IAH1: variants seen among roughly 807,000 people sequenced by gnomAD.
IAH1 encodes isoamyl acetate hydrolyzing esterase 1 (putative).
IAH1 carries 24 observed loss-of-function variants against 26.7 expected under a neutral mutation model. That is an observed-to-expected ratio of 0.90 (90% CI 0.65 to 1.26). The LOEUF (loss-of-function observed/expected upper bound fraction) is 1.26, where lower values mean the gene tolerates loss of function less well. IAH1 is among the 50% of genes most tolerant of loss of function. IAH1 has a pLI of 0.00. For synonymous variants in IAH1, 140 were observed against 118.5 expected, an observed-to-expected ratio of 1.18 and a Z score of -1.18; for missense variants, 300 against 299.9, an observed-to-expected ratio of 1.00 and a Z score of 0.00.
downstream of IAH1, among the ~76,000 whole-genome samples, chr2:9,490,672 T>TA (rs1391694104): frequency 6.6e-6 from 1 of 152,132 alleles, no homozygotes; most frequent in Non-Finnish European, 1.5e-5. Flanking sequence ...CCTAAGTGAC[T>TA]AAAAAATACT....
At chr2:9,488,066 G>GC in intron 5 of IAH1, 81 bp from the exon 6 acceptor site, 3 of 943,650 alleles carry the variant, frequency 3.2e-6, no homozygotes, top group Non-Finnish European at 4.7e-6. Context: ...GTAATCCTCG[G>GC]CCCCAAAGTG....
chr2:9,494,705 C>G, downstream of IAH1: 2 of 1,614,066 alleles, frequency 1.2e-6, no homozygotes, highest in Non-Finnish European at 1.7e-6. Flanking sequence ...TGTTCAGCAT[C>G]GACATAGGGC....
chr2:9,508,060 G>A, the IAH1 span, among the ~76,000 whole-genome samples: 2 of 152,172 alleles, frequency 1.3e-5, no homozygotes, highest in African/African-American at 4.8e-5. Context: ...CTGGCAGCAG[G>A]AAGAGTCAGC....
chr2:9,479,622 G>A lies in IAH1; in HGVS notation c.283+1252G>A, dbSNP rs375870213. On this transcript the variant is annotated intron_variant, in intron 3 of 5. Transcript: ENST00000497473. The stretch of plus-strand genomic sequence containing the variant: ...ATATGAAGCAGTAATACTTACAGCT[G>A]ACACGCATGAAATAAGATTGGAACT... Among the ~76,000 whole-genome samples, 3 of 152,170 alleles carry A rather than the reference G, an allele frequency of 2.0e-5. No homozygotes were observed. In the South Asian group the frequency reaches 6.2e-4, roughly 32 times the overall value.
chr2:9,512,193 G>A, the IAH1 span: 1 of 152,042 alleles, frequency 6.6e-6, no homozygotes, highest in East Asian at 1.9e-4. Context: ...TCCCAAAGGT[G>A]TAATGAAGAG....
chr2:9,507,131 G>A, the IAH1 span: 8 of 152,098 alleles, frequency 5.3e-5, no homozygotes, highest in Non-Finnish European at 1.0e-4. Context: ...CTAGGTCAAG[G>A]AACTACTTTA....
chr2:9,490,300 A>C (rs1241627826), downstream of IAH1: 5 of 1,614,114 alleles, frequency 3.1e-6, no homozygotes, highest in Admixed American at 1.7e-5. Flanking sequence ...CTGTGCTGCT[A>C]TTTGGGAAGG....
At chr2:9,499,623 CGATCTCCT>C (rs1662881634), downstream of IAH1, among the ~76,000 whole-genome samples, 1 of 152,034 alleles carries the variant, frequency 6.6e-6, no homozygotes, top group Non-Finnish European at 1.5e-5. Context: ...AGGATGGTCT[CGATCTCCT>C]GATCTCGTGA....
At chr2:9,489,747 A>C (rs1248071398), downstream of IAH1, 1 of 141,218 alleles carries the variant, frequency 7.1e-6, no homozygotes, top group Non-Finnish European at 1.5e-5. Flanking sequence ...AAAAAAAAAA[A>C]AACTATTCCA....
the IAH1 span, among the ~76,000 whole-genome samples, chr2:9,510,683 T>A: frequency 2.0e-4 from 28 of 139,282 alleles, no homozygotes; most frequent in African/African-American, 5.4e-4. Flanking sequence ...AAAAAAAAAA[T>A]TAGCCAGGCA....
chr2:9,511,426 G>C, the IAH1 span, among the ~76,000 whole-genome samples: 1 of 151,912 alleles, frequency 6.6e-6, no homozygotes, highest in Non-Finnish European at 1.5e-5. Flanking sequence ...CTCCAGCCTA[G>C]GCAACAAGAG....
intron 4 of IAH1, among the ~76,000 whole-genome samples, chr2:9,482,450 T>C (rs547310917): frequency 5.9e-5 from 9 of 152,246 alleles, no homozygotes; most frequent in African/African-American, 1.9e-4. Context: ...TTAGGTAGAT[T>C]TCTGGACCCA....
At chr2:9,478,179 A>G in intron 2 of IAH1, 43 bp from the exon 3 acceptor site, 1 of 1,560,060 alleles carries the variant, frequency 6.4e-7, no homozygotes, top group Non-Finnish European at 8.7e-7. Flanking sequence ...GACCATAAAC[A>G]CTTCTTGCCC....
chr2:9,499,279 G>A (rs534430380), downstream of IAH1, among the ~76,000 whole-genome samples: 4 of 151,972 alleles, frequency 2.6e-5, no homozygotes, highest in Admixed American at 6.5e-5. Flanking sequence ...TTTTACTTAC[G>A]TTTATTTAAA....
rs773148139 is a variant in IAH1 at position 9,484,490 on chromosome 2, A to G, written c.504A>G (p.Gln168=). Residue 168 remains glutamine, a synonymous_variant, in exon 5 of 6, where the codon CAA becomes CAG. Coordinates refer to ENST00000497473, the MANE Select transcript of IAH1 (RefSeq NM_001039613.3). ...VVGEYANACL[Q]VAQDCGTDVL... ...GTGAATATGCCAATGCGTGTTTACAAGTGGCCCAAGACTGTGGGACTGACG... is the reference window on the plus strand; with the variant it reads ...GTGAATATGCCAATGCGTGTTTACAGGTGGCCCAAGACTGTGGGACTGACG... The G allele has an allele frequency of 1.1e-5, 18 of 1,614,212 alleles. No individual in the cohort carries two copies. The South Asian group carries it at 1.9e-4, about 17-fold the overall frequency.
the IAH1 span, among the ~76,000 whole-genome samples, chr2:9,510,926 TAAG>T: frequency 6.6e-6 from 1 of 152,194 alleles, no homozygotes; most frequent in Non-Finnish European, 1.5e-5. Context: ...AACATTATTG[TAAG>T]TAGTAACAAA....
chr2:9,511,207 G>T, the IAH1 span, among the ~76,000 whole-genome samples: 1 of 152,188 alleles, frequency 6.6e-6, no homozygotes, highest in East Asian at 1.9e-4. Context: ...CCAGCACTTT[G>T]GGAGGCCAAG....
At chr2:9,492,124 ACTC>A (rs1405152627), downstream of IAH1, among the ~76,000 whole-genome samples, 2 of 151,906 alleles carry the variant, frequency 1.3e-5, no homozygotes, top group Non-Finnish European at 2.9e-5. Context: ...AGTAGGAAAA[ACTC>A]CTTTGTCATC....
chr2:9,482,395 A>G (rs1450560244), intron 4 of IAH1, among the ~76,000 whole-genome samples: 1 of 152,212 alleles, frequency 6.6e-6, no homozygotes, highest in Admixed American at 6.5e-5. Flanking sequence ...AACACAGAAC[A>G]GCTATTTCTC....
Sources: allele counts gnomAD v4.1 joint callset (sites outside exome capture counted in the v4.1 genomes callset), GRCh38; gene constraint gnomAD v4.1.1; transcripts MANE v1.5; gene names NCBI Gene and HGNC (gene_info 2026-07-23, HGNC 2026-07-21).